Variants in FUT8 observed in about 807,000 individuals in gnomAD.
FUT8 encodes the protein fucosyltransferase 8, also known as alpha-(1,6)-fucosyltransferase.
A neutral mutation model predicts 71.3 loss-of-function variants in FUT8; 29 were observed. The ratio of observed to expected loss-of-function variants is 0.41; its 90% CI spans 0.30 to 0.55. The LOEUF is 0.55. Among genes scored for constraint, FUT8 ranks in the 20% least tolerant of loss-of-function variants. The probability of loss-of-function intolerance (pLI) is 0.34; values close to 1 mark genes in which losing one functional copy is unlikely to be tolerated. For missense variants in FUT8, 544 were observed against 702.1 expected (o/e 0.77, Z 2.55); for synonymous variants, 254 against 239.3 (o/e 1.06, Z -0.57).
intron 2 of FUT8, among the ~76,000 whole-genome samples, chr14:65,523,245 G>C (rs1883205190): frequency 6.6e-6 from 1 of 152,268 alleles, no homozygotes; most frequent in African/African-American, 2.4e-5. Context: ...GTTGTTTCCT[G>C]ACTTTTTAAT....
At chr14:65,493,648 C>CT (rs1286500312) in intron 2 of FUT8, among the ~76,000 whole-genome samples, 1 of 152,034 alleles carries the variant, frequency 6.6e-6, no homozygotes, top group African/African-American at 2.4e-5. Context: ...TATTTACCCT[C>CT]TGTTACAGAA....
intron 7 of FUT8, among the ~76,000 whole-genome samples, chr14:65,691,831 T>C (rs1462941400): frequency 6.6e-6 from 1 of 152,092 alleles, no homozygotes; most frequent in Non-Finnish European, 1.5e-5. Context: ...TTCAAGCATC[T>C]GTTTAACAAA....
At chr14:65,363,954 A>G in the FUT8 span, among the ~76,000 whole-genome samples, 1 of 152,258 alleles carries the variant, frequency 6.6e-6, no homozygotes, top group Middle Eastern at 3.4e-3. Flanking sequence ...GAGAAAAGCT[A>G]TTTTCCCTCC....
chr14:65,612,943 G>C (rs902331080), intron 3 of FUT8, among the ~76,000 whole-genome samples: 1 of 152,182 alleles, frequency 6.6e-6, no homozygotes, highest in Non-Finnish European at 1.5e-5. Flanking sequence ...ATTCAGAAAA[G>C]AGACTGTTCG....
the FUT8 span, among the ~76,000 whole-genome samples, chr14:65,367,071 C>T: frequency 1.3e-5 from 2 of 152,202 alleles, no homozygotes; most frequent in African/African-American, 4.8e-5. Flanking sequence ...TCTAAGAAGT[C>T]AGATGTACTT....
chr14:65,450,873 T>G (rs1400029500), intron 1 of FUT8, among the ~76,000 whole-genome samples: 2 of 151,736 alleles, frequency 1.3e-5, no homozygotes, highest in Admixed American at 6.6e-5. Context: ...ACCCTATTTT[T>G]TTTTTTTTTG....
intron 9 of FUT8, among the ~76,000 whole-genome samples, chr14:65,730,892 C>T (rs1895948215): frequency 6.6e-6 from 1 of 152,130 alleles, no homozygotes; most frequent in Non-Finnish European, 1.5e-5. Flanking sequence ...GGAAGAAAAA[C>T]AAGTCTTTAA....
intron 7 of FUT8, among the ~76,000 whole-genome samples, chr14:65,689,148 C>T (rs1893450864): frequency 6.6e-6 from 1 of 152,232 alleles, no homozygotes; most frequent in Admixed American, 6.5e-5. Flanking sequence ...GTTCCTATTT[C>T]TTCACATCTT....
chr14:65,526,201 C>CTAAG (rs1883456475), intron 2 of FUT8, among the ~76,000 whole-genome samples: 1 of 152,104 alleles, frequency 6.6e-6, no homozygotes. Flanking sequence ...GAGTCTAAGT[C>CTAAG]TCTTTGTAGG....
intron 2 of FUT8, among the ~76,000 whole-genome samples, chr14:65,528,216 C>G (rs1883642520): frequency 6.6e-6 from 1 of 152,252 alleles, no homozygotes; most frequent in South Asian, 2.1e-4. Context: ...GCTTCCAGGC[C>G]TCTTTATTTA....
At chr14:65,366,643 T>G in the FUT8 span, among the ~76,000 whole-genome samples, 2 of 152,264 alleles carry the variant, frequency 1.3e-5, no homozygotes, top group African/African-American at 2.4e-5. Context: ...CAGAATAGAC[T>G]CTTAAAAGGC....
At chr14:65,628,482 G>A (rs1890012978) in intron 5 of FUT8, among the ~76,000 whole-genome samples, 1 of 152,216 alleles carries the variant, frequency 6.6e-6, no homozygotes, top group South Asian at 2.1e-4. Flanking sequence ...GGTGAGAGAA[G>A]ATGGTGTCTC....
At chr14:65,391,995 C>T in the FUT8 span, among the ~76,000 whole-genome samples, 5 of 152,224 alleles carry the variant, frequency 3.3e-5, no homozygotes, top group South Asian at 2.1e-4. Context: ...TGCAATGGTA[C>T]GATCTCAGCT....
At chr14:65,435,150 C>G (rs898957595) in intron 1 of FUT8, among the ~76,000 whole-genome samples, 3 of 152,156 alleles carry the variant, frequency 2.0e-5, no homozygotes, top group African/African-American at 7.2e-5. Flanking sequence ...TGTAAAATGA[C>G]CTAGTGTTTA....
intron 7 of FUT8, among the ~76,000 whole-genome samples, chr14:65,694,575 T>C (rs1893885233): frequency 6.6e-6 from 1 of 152,160 alleles, no homozygotes; most frequent in Non-Finnish European, 1.5e-5. Flanking sequence ...ATCATGCTGC[T>C]ATAAAGACAC....
At chr14:65,647,815 T>C (rs930962250) in intron 6 of FUT8, among the ~76,000 whole-genome samples, 14 of 152,042 alleles carry the variant, frequency 9.2e-5, no homozygotes, top group Admixed American at 9.2e-4. Context: ...TAGAAAGTAA[T>C]GTGGACATTG....
chr14:65,614,692 T>C (rs1376336942), intron 3 of FUT8, among the ~76,000 whole-genome samples: 1 of 152,240 alleles, frequency 6.6e-6, no homozygotes, highest in African/African-American at 2.4e-5. Context: ...CTTTTCCTCT[T>C]CTGTAGTAAA....
At chr14:65,382,608 G>A in the FUT8 span, among the ~76,000 whole-genome samples, 3 of 152,230 alleles carry the variant, frequency 2.0e-5, no homozygotes, top group Non-Finnish European at 4.4e-5. Context: ...CCAAAGTGCT[G>A]GGATTACAGG....
intron 4 of FUT8, 24 bp downstream of exon 4, chr14:65,616,117 C>A (rs1263704804): frequency 6.2e-7 from 1 of 1,605,258 alleles, no homozygotes; most frequent in African/African-American, 1.3e-5. Context: ...CAGTGTTTTC[C>A]CCTCCTCAGT....
Sources: allele counts gnomAD v4.1 joint callset (sites outside exome capture counted in the v4.1 genomes callset), GRCh38; gene constraint gnomAD v4.1.1; transcripts MANE v1.5; gene names NCBI Gene and HGNC (gene_info 2026-07-23, HGNC 2026-07-21).